PELP1: variants seen among roughly 807,000 people sequenced by gnomAD.
PELP1 encodes the protein proline, glutamate and leucine rich protein 1.
Under a neutral mutation model 95.5 loss-of-function variants are expected in PELP1, and 32 were observed. That is an observed-to-expected ratio of 0.34 (90% CI 0.25 to 0.45). The LOEUF is 0.45. PELP1 is among the 20% of genes least tolerant of loss of function. The pLI, the probability that PELP1 is intolerant of heterozygous loss-of-function variation, is 1.00. For synonymous variants in PELP1, 668 were observed against 600.1 expected, an observed-to-expected ratio of 1.11 and a Z score of -1.65; for missense variants, 1,358 against 1,444.8, an observed-to-expected ratio of 0.94 and a Z score of 0.97.
intron 5 of PELP1, among the ~76,000 whole-genome samples, chr17:4,679,960 GA>G (rs1270292620): frequency 5.9e-5 from 9 of 152,178 alleles, no homozygotes; most frequent in African/African-American, 2.2e-4. Context: ...CAGGCCGATG[GA>G]ACTCTGACTC....
intron 5 of PELP1, 97 bp from the exon 6 acceptor site, chr17:4,676,909 G>A (rs1344696228): frequency 5.4e-6 from 5 of 918,826 alleles, no homozygotes; most frequent in Admixed American, 4.6e-5. Flanking sequence ...CTAAGCCCAG[G>A]TCTCTTTTTC....
intron 1 of PELP1, 34 bp downstream of exon 1, chr17:4,703,829 C>A (rs781007425): frequency 1.4e-5 from 22 of 1,579,404 alleles, no homozygotes; most frequent in Non-Finnish European, 1.7e-5. Flanking sequence ...CCATCCTCCC[C>A]ACAGGGCCGC....
At chr17:4,683,471 G>A (rs1365277478) in intron 3 of PELP1, among the ~76,000 whole-genome samples, 60 of 148,456 alleles carry the variant, frequency 4.0e-4, no homozygotes, top group Middle Eastern at 3.8e-3. Flanking sequence ...TGCCCGCCTT[G>A]GCCTCCCAAA....
rs1270099671 is a variant in PELP1, at chr17:4,673,284, G to C, written c.1811C>G (p.Ala604Gly). ...ATCTTCTCGCTGGCCGAGGGAGAAG[G>C]CTTGCAGGGCACAGGCAAGAGGAGG... ...CPPPLACALQ[A>G]FSLGQREDSL... Residue 604 changes from alanine to glycine, a missense_variant, in exon 15 of 17, where the codon GCC becomes GGC. By Grantham distance (60) the Ala-to-Gly change is moderately conservative (BLOSUM62 0). Transcript: ENST00000572293. This position sits in a 1 kb window ranked among gnomAD's most constrained non-coding sequence, Gnocchi z 5.7. 7 of 1,580,198 alleles carry C rather than the reference G, an allele frequency of 4.4e-6. No homozygotes were observed. The highest frequency in any genetic ancestry group is 6.0e-6 in the Non-Finnish European group (7 of 1,162,788).
intron 1 of PELP1, among the ~76,000 whole-genome samples, chr17:4,694,498 A>AAAAAAAAAAAAAAAAAAAAAT: frequency 3.2e-5 from 1 of 31,282 alleles, no homozygotes; most frequent in African/African-American, 8.1e-5. Context: ...CCAAAAATAC[A>AAAAAAAAAAAAAAAAAAAAAT]AAAAAAAAAA....
chr17:4,679,521 A>G (rs890227756), intron 5 of PELP1, among the ~76,000 whole-genome samples: 26 of 152,284 alleles, frequency 1.7e-4, no homozygotes, highest in Middle Eastern at 3.4e-3. Context: ...TTTCCCCTCC[A>G]CTTTCATGGG....
chr17:4,672,359 AAT>A lies in PELP1; in HGVS notation c.2630_2631del (p.Asp877ValfsTer5). On this transcript the variant is annotated frameshift_variant, in exon 16 of 17. Coordinates refer to ENST00000572293, the MANE Select transcript of PELP1 (RefSeq NM_014389.3). LOFTEE classifies it high-confidence loss of function. Reference protein sequence around the residue: ...GGGGPPALEEDLTVININSSD... With the variant: ...GGGGPPALEEXLTVININSSD... ...CTGCTGTTGATATTAATAACTGTCA[AAT>A]CCTCTTCCAGGGCTGGGGGTCCTCC... 6.4e-7 allele frequency: 1 copy of A among 1,553,142 alleles called. No homozygotes were observed. The highest frequency in any genetic ancestry group is 8.7e-7 in the Non-Finnish European group (1 of 1,147,974).
intron 5 of PELP1, 125 bp downstream of exon 5, chr17:4,682,377 C>A: frequency 1.5e-6 from 1 of 682,752 alleles, no homozygotes; most frequent in South Asian, 1.8e-5. Flanking sequence ...TAGAAGTGTA[C>A]TTGTGGAGAT....
In PELP1 at chr17:4,674,914, C is replaced by A. The variant is rs371800711; in HGVS notation, c.1317G>T (p.Val439=). The change falls in exon 12 of 17, where the codon GTG becomes GTT. Residue 439 remains valine, a synonymous_variant. Transcript: ENST00000572293. ...TTCCCGCCGAGGCCCCACAAACCTG[C>A]ACCCACAGCTCTAATATCGCATACA... ...TKVYAILELW[V]QVCGASAGML... 9 of 1,613,554 alleles carry A rather than the reference C, an allele frequency of 5.6e-6. No homozygotes were observed. The African/African-American group carries it at 1.2e-4, about 22-fold the overall frequency.
In PELP1 at chr17:4,673,025, C is replaced by T. The variant is rs779932015; in HGVS notation, c.1966G>A (p.Ala656Thr). The change falls in exon 16 of 17, where the codon GCC becomes ACC. Residue 656 changes from alanine to threonine, a missense_variant. Coordinates refer to ENST00000572293, the MANE Select transcript of PELP1 (RefSeq NM_014389.3). This position sits in a 1 kb window ranked among gnomAD's most constrained non-coding sequence, Gnocchi z 5.7. Reference sequence around the variant, plus strand: ...GGTGGGGCCCTGAAGGGCGATGGGGCCTCAGGAGGGGGAACTGGAGCAGGT... The same window carrying T: ...GGTGGGGCCCTGAAGGGCGATGGGGTCTCAGGAGGGGGAACTGGAGCAGGT... The part of the protein sequence containing the change: ...PTPAPVPPPE[A>T]PSPFRAPPFH... 2.6e-6 allele frequency: 4 copies of T among 1,535,178 alleles called. No individual in the cohort carries two copies. The highest frequency in any genetic ancestry group is 1.7e-6 in the Non-Finnish European group (2 of 1,144,236).
At chr17:4,689,818 G>A (rs932558193) in intron 3 of PELP1, among the ~76,000 whole-genome samples, 2 of 152,262 alleles carry the variant, frequency 1.3e-5, no homozygotes, top group African/African-American at 4.8e-5. Flanking sequence ...ACGAGGTCAG[G>A]AGTTTGAGAC....
rs1023086815 is a variant in PELP1, at chr17:4,669,911, G to C, written c.*1528C>G. 1 of 152,146 alleles carries C rather than the reference G, an allele frequency of 6.6e-6. No individual in the cohort carries two copies. The highest frequency in any genetic ancestry group is 2.4e-5 in the African/African-American group (1 of 41,428). The allele number at this position is 152,146 out of a possible 1,614,324, so 9.4% of individuals were successfully genotyped here. A position where few individuals can be genotyped will look rare whatever the true frequency, so the allele number is the denominator to read the frequency against. On this transcript the variant is annotated 3_prime_UTR_variant, in exon 17 of 17. Transcript: ENST00000572293. ...AGATAATTCATGTTAAAGAATCTGG[G>C]ATGGGAAGGGCCACGGTGTCTACAG...
At chr17:4,685,119 C>T (rs550877159) in intron 3 of PELP1, among the ~76,000 whole-genome samples, 37 of 152,156 alleles carry the variant, frequency 2.4e-4, no homozygotes, top group Non-Finnish European at 4.9e-4. Flanking sequence ...TCCCTTCTCC[C>T]ATTCGCTTCT....
Position 4,675,033 on chromosome 17 carries a change from AC to A in PELP1, c.1274+45del. The stretch of plus-strand genomic sequence containing the variant: ...AGCCCCAGCCCACCTGCACCCCCTC[AC>A]CCCCCTCTCCTCTTTATTCCCTTCC... On this transcript the variant is annotated intron_variant, in intron 11 of 16. Transcript: ENST00000572293. This position sits in a 1 kb window ranked among gnomAD's most constrained non-coding sequence, Gnocchi z 4.3. 1 of 1,605,336 alleles carries A rather than the reference AC, an allele frequency of 6.2e-7. No individual in the cohort carries two copies.
At chr17:4,686,717 C>G (rs1340955480) in intron 3 of PELP1, among the ~76,000 whole-genome samples, 1 of 152,122 alleles carries the variant, frequency 6.6e-6, no homozygotes, top group African/African-American at 2.4e-5. Context: ...AGGGTTTCAC[C>G]ATGTTGGCCA....
rs565909203 is a variant in PELP1 at position 4,683,408 on chromosome 17, G to C, written c.421-456C>G. ...ACTAATTTTTTGTATTTTTAGTAGA[G>C]ACGGGGTTTCACTATGTTAGCCAGG... On this transcript the variant is annotated intron_variant, in intron 3 of 16. Coordinates refer to ENST00000572293, the MANE Select transcript of PELP1 (RefSeq NM_014389.3). Among the ~76,000 whole-genome samples, 66 of 151,868 alleles carry C rather than the reference G, an allele frequency of 4.3e-4. No individual in the cohort carries two copies. In the East Asian group the frequency reaches 0.012, roughly 28 times the overall value.
rs1912401933 is a variant in PELP1, at chr17:4,675,073, G to C, written c.1274+6C>G. On this transcript the variant is annotated splice_donor_region_variant and intron_variant, in intron 11 of 16. Coordinates refer to ENST00000572293, the MANE Select transcript of PELP1 (RefSeq NM_014389.3). The surrounding 1 kb of genome is among the most constrained non-coding windows in gnomAD (Gnocchi z 4.3). ...TTATTCCCTTCCTGCCTTCCTGGATGGTCACCTGTAAGGCCTCTCCTGGCC... is the reference window on the plus strand; with the variant it reads ...TTATTCCCTTCCTGCCTTCCTGGATCGTCACCTGTAAGGCCTCTCCTGGCC... 6.2e-7 allele frequency: 1 copy of C among 1,611,408 alleles called. No individual in the cohort carries two copies.
chr17:4,684,873 G>T (rs1354556194), intron 3 of PELP1, among the ~76,000 whole-genome samples: 1 of 152,042 alleles, frequency 6.6e-6, no homozygotes, highest in African/African-American at 2.4e-5. Flanking sequence ...GTTAATTTTT[G>T]TATTTTTAGT....
intron 5 of PELP1, among the ~76,000 whole-genome samples, chr17:4,682,186 T>G (rs1196980422): frequency 1.3e-5 from 2 of 151,638 alleles, no homozygotes; most frequent in African/African-American, 2.4e-5. Flanking sequence ...GGTAGAAAAG[T>G]GGGTAGGGCA....
Sources: gnomAD v4.1 joint callset for allele counts (sites outside exome capture counted in the v4.1 genomes callset) on GRCh38, gnomAD v4.1.1 for gene constraint, Gnocchi (gnomAD v3.1) non-coding constraint, MANE v1.5 for transcripts, NCBI Gene and HGNC (gene_info 2026-07-23, HGNC 2026-07-21) for gene names.